The following SYNPR variants were observed in gnomAD, a reference collection of about 807,000 sequenced individuals.
The protein encoded by SYNPR is synaptoporin.
A neutral mutation model predicts 32.9 loss-of-function variants in SYNPR; 23 were observed. The ratio of observed to expected loss-of-function variants is 0.70; its 90% confidence interval spans 0.50 to 0.99. The LOEUF (loss-of-function observed/expected upper bound fraction) is 0.99, where lower values mean the gene tolerates loss of function less well. Ranked by LOEUF, SYNPR falls within the 50% of genes least tolerant of loss-of-function variation. The pLI is 0.00. For missense variants in SYNPR, 318 were observed against 349.3 expected (o/e 0.91, Z 0.71); for synonymous variants, 146 against 135.9 (o/e 1.07, Z -0.52).
chr3:63,545,876 G>C (rs1016598964), intron 3 of SYNPR, among the ~76,000 whole-genome samples: 1 of 152,060 alleles, frequency 6.6e-6, no homozygotes, highest in Non-Finnish European at 1.5e-5. Context: ...CCACCTTCCT[G>C]TATGTTTCTA....
chr3:63,227,324 G>A (rs900584641), upstream of SYNPR, among the ~76,000 whole-genome samples: 10 of 152,104 alleles, frequency 6.6e-5, no homozygotes, highest in African/African-American at 1.4e-4. Context: ...CCAGAATCTG[G>A]GAAAATAGAT....
intron 2 of SYNPR, among the ~76,000 whole-genome samples, chr3:63,306,200 T>A (rs1050686847): frequency 6.6e-6 from 1 of 151,968 alleles, no homozygotes; most frequent in Non-Finnish European, 1.5e-5. Context: ...ATGCATCTCA[T>A]CGATGTATGT....
At chr3:63,556,481 C>G in intron 3 of SYNPR, 62 bp from the exon 4 acceptor site, 3 of 1,449,420 alleles carry the variant, frequency 2.1e-6, no homozygotes, top group Non-Finnish European at 2.8e-6. Flanking sequence ...GATGTAGACA[C>G]AAGTCATGTA....
intron 2 of SYNPR, among the ~76,000 whole-genome samples, chr3:63,253,442 A>C (rs1343920303): frequency 6.6e-6 from 1 of 152,234 alleles, no homozygotes; most frequent in Non-Finnish European, 1.5e-5. Flanking sequence ...TGAAATAATA[A>C]TTTTGATGAA....
intron 2 of SYNPR, among the ~76,000 whole-genome samples, chr3:63,414,724 T>C (rs1323165980): frequency 1.3e-5 from 2 of 152,218 alleles, no homozygotes; most frequent in African/African-American, 4.8e-5. Flanking sequence ...GTAAGTCTCA[T>C]TACCAACTGT....
intron 3 of SYNPR, among the ~76,000 whole-genome samples, chr3:63,513,461 C>CT (rs1173382694): frequency 1.3e-5 from 2 of 151,946 alleles, no homozygotes; most frequent in Non-Finnish European, 2.9e-5. Flanking sequence ...CCACTTTGTC[C>CT]TTTTTAATAG....
intron 2 of SYNPR, among the ~76,000 whole-genome samples, chr3:63,288,606 G>C (rs2086708449): frequency 6.6e-6 from 1 of 152,140 alleles, no homozygotes; most frequent in Admixed American, 6.5e-5. Context: ...GAAATGATTA[G>C]GTTTTGCCTA....
intron 2 of SYNPR, among the ~76,000 whole-genome samples, chr3:63,335,946 T>C (rs914047757): frequency 2.0e-5 from 3 of 151,994 alleles, no homozygotes; most frequent in African/African-American, 7.3e-5. Context: ...CCAGCTAATT[T>C]TGTATTTGTA....
At chr3:63,610,073 G>A (rs1700178777) in intron 5 of SYNPR, among the ~76,000 whole-genome samples, 1 of 152,138 alleles carries the variant, frequency 6.6e-6, no homozygotes, top group Admixed American at 6.6e-5. Flanking sequence ...CTAGTAGGGT[G>A]AAAAAATAAA....
Position 63,615,741 on chromosome 3 carries a change from AT to A in SYNPR, c.*264del, listed in dbSNP as rs1700270862. ...TATATATACAGATACTTTCATGGTC[AT>A]TTTGTATGTATGTTAAAGTAGTAGA... On this transcript the variant is annotated 3_prime_UTR_variant, in exon 6 of 6. Transcript: ENST00000478300. 8.3e-6 allele frequency: 3 copies of A among 360,828 alleles called. No individual in the cohort carries two copies. In the South Asian group the frequency reaches 2.0e-4, roughly 25 times the overall value. 22.4% of individuals were successfully genotyped at this position (360,828 alleles called of 1,614,324 possible).
chr3:63,326,471 T>C (rs896070471), intron 2 of SYNPR, among the ~76,000 whole-genome samples: 3 of 152,134 alleles, frequency 2.0e-5, no homozygotes, highest in Admixed American at 2.0e-4. Context: ...CATGTCTGCA[T>C]TGGGAAGGTC....
intron 2 of SYNPR, among the ~76,000 whole-genome samples, chr3:63,308,055 G>T (rs1221165677): frequency 6.6e-6 from 1 of 152,152 alleles, no homozygotes; most frequent in East Asian, 1.9e-4. Context: ...GGAATAGGAA[G>T]AAGAGGGTCT....
chr3:63,543,952 G>T (rs145106133), intron 3 of SYNPR, among the ~76,000 whole-genome samples: 1 of 152,056 alleles, frequency 6.6e-6, no homozygotes. Flanking sequence ...TCTAGTAAGA[G>T]AAAGAAGCAA....
At chr3:63,437,152 G>T (rs879498464) in intron 2 of SYNPR, among the ~76,000 whole-genome samples, 2 of 150,746 alleles carry the variant, frequency 1.3e-5, no homozygotes, top group Non-Finnish European at 3.0e-5. Context: ...GCTGGGATTA[G>T]ACATGAGCCA....
chr3:63,613,610 C>CAAAAAAAAAAAAAAAAAAAAAAA, intron 5 of SYNPR, among the ~76,000 whole-genome samples: 1 of 46,028 alleles, frequency 2.2e-5, no homozygotes, highest in South Asian at 1.7e-3. Context: ...TATGCTGCAG[C>CAAAAAAAAAAAAAAAAAAAAAAA]AAAAAAAAAA....
intron 4 of SYNPR, among the ~76,000 whole-genome samples, chr3:63,573,935 G>A (rs1702935033): frequency 6.6e-6 from 1 of 152,154 alleles, no homozygotes; most frequent in Non-Finnish European, 1.5e-5. Context: ...TACCAGGTGG[G>A]CCCACTGGTG....
At chr3:63,367,667 A>T (rs1470924701) in intron 2 of SYNPR, among the ~76,000 whole-genome samples, 3 of 152,184 alleles carry the variant, frequency 2.0e-5, no homozygotes, top group Non-Finnish European at 4.4e-5. Flanking sequence ...GCCTTGAATT[A>T]TAATTTAAAT....
intron 2 of SYNPR, among the ~76,000 whole-genome samples, chr3:63,472,652 C>A (rs1700825496): frequency 1.3e-5 from 2 of 152,098 alleles, no homozygotes; most frequent in South Asian, 4.2e-4. Flanking sequence ...GATGCTGAAG[C>A]ATGGTCCTGT....
At chr3:63,386,399 A>C (rs1000098753) in intron 2 of SYNPR, among the ~76,000 whole-genome samples, 6 of 152,230 alleles carry the variant, frequency 3.9e-5, no homozygotes, top group Non-Finnish European at 4.4e-5. Context: ...AGGCATGGGC[A>C]GTGCCAAGTT....
Sources: gnomAD v4.1 joint callset for allele counts (sites outside exome capture counted in the v4.1 genomes callset) on GRCh38, gnomAD v4.1.1 for gene constraint, MANE v1.5 for transcripts, NCBI Gene and HGNC (gene_info 2026-07-23, HGNC 2026-07-21) for gene names.